CNTN3: variants seen among roughly 807,000 people sequenced by gnomAD.
CNTN3 encodes contactin-3.
Under a neutral mutation model 119.1 loss-of-function variants are expected in CNTN3, and 60 were observed. The observed-to-expected ratio is 0.50, with a 90% CI of 0.41 to 0.62. The LOEUF (loss-of-function observed/expected upper bound fraction) is 0.62. Ranked by LOEUF, CNTN3 falls within the 20% of genes least tolerant of loss-of-function variation. CNTN3 has a pLI of 0.00. For synonymous variants in CNTN3, 450 were observed against 438.7 expected (o/e 1.03, Z -0.32); for missense variants, 1,101 against 1,242.4 (o/e 0.89, Z 1.71).
At chr3:74,516,893 C>T (rs1559642375) in intron 2 of CNTN3, among the ~76,000 whole-genome samples, 1 of 151,844 alleles carries the variant, frequency 6.6e-6, no homozygotes, top group South Asian at 2.1e-4. Flanking sequence ...TAATATATAT[C>T]CCTGAGCTGT....
At chr3:74,455,105 C>T (rs1702242631) in intron 4 of CNTN3, among the ~76,000 whole-genome samples, 1 of 152,044 alleles carries the variant, frequency 6.6e-6, no homozygotes, top group Admixed American at 6.6e-5. Context: ...AGAGTGTTTT[C>T]CAACTTGGTT....
intron 2 of CNTN3, among the ~76,000 whole-genome samples, chr3:74,516,828 AAGGAAGTTGGAG>A (rs1703458844): frequency 7.0e-6 from 1 of 143,882 alleles, no homozygotes; most frequent in Admixed American, 6.8e-5. Flanking sequence ...AACAATATCC[AAGGAAGTTGGAG>A]TCACAAGATG....
chr3:74,601,299 T>C (rs1254325485), intron 1 of CNTN3, among the ~76,000 whole-genome samples: 1 of 151,948 alleles, frequency 6.6e-6, no homozygotes, highest in Non-Finnish European at 1.5e-5. Context: ...TAAGAAACTA[T>C]CAAGTGGCAG....
chr3:74,596,324 T>C (rs972788974), intron 1 of CNTN3, among the ~76,000 whole-genome samples: 1 of 152,078 alleles, frequency 6.6e-6, no homozygotes, highest in African/African-American at 2.4e-5. Flanking sequence ...TTCACAGAAC[T>C]GGAAAAAACT....
chr3:74,474,413 T>A (rs553838461), intron 4 of CNTN3, among the ~76,000 whole-genome samples: 11 of 151,964 alleles, frequency 7.2e-5, no homozygotes, highest in Admixed American at 3.9e-4. Flanking sequence ...GACACTGGAG[T>A]TCAGGGCAGA....
intron 4 of CNTN3, among the ~76,000 whole-genome samples, chr3:74,429,019 CT>C (rs1701741712): frequency 6.6e-6 from 1 of 152,112 alleles, no homozygotes; most frequent in Admixed American, 6.5e-5. Flanking sequence ...GTTATACCAT[CT>C]GGGTATAATA....
chr3:74,339,769 G>C (rs1444488678), intron 11 of CNTN3, among the ~76,000 whole-genome samples: 1 of 152,018 alleles, frequency 6.6e-6, no homozygotes, highest in Non-Finnish European at 1.5e-5. Context: ...CACTGTAAAG[G>C]AGTTGGGGCT....
intron 3 of CNTN3, among the ~76,000 whole-genome samples, chr3:74,489,716 T>A (rs1361084616): frequency 6.9e-6 from 1 of 144,822 alleles, no homozygotes; most frequent in African/African-American, 2.5e-5. Flanking sequence ...CAACTGCTCA[T>A]TGGTTTATCA....
chr3:74,526,425 A>T (rs1703620163), intron 1 of CNTN3, among the ~76,000 whole-genome samples: 1 of 151,848 alleles, frequency 6.6e-6, no homozygotes, highest in Non-Finnish European at 1.5e-5. Flanking sequence ...CTGTCAGATC[A>T]GAAATCATGC....
intron 11 of CNTN3, among the ~76,000 whole-genome samples, chr3:74,343,234 C>A (rs2044595): frequency 6.6e-6 from 1 of 152,058 alleles, no homozygotes. Context: ...GGCAGACCAC[C>A]TCAGGCCCTC....
At position 74,411,078 on chromosome 3, in the gene CNTN3, C is replaced by T. The variant is rs143542090; in HGVS notation, c.454+13767G>A. ...TCCTACCTTGCTTCCTCCATCCATC[C>T]CTTTCTTTCTTTTGTTGTTTCTTTC... On this transcript the variant is annotated intron_variant, in intron 5 of 22. Transcript: ENST00000263665. 2.0e-5 allele frequency among the ~76,000 whole-genome samples: 3 copies of T among 152,126 alleles called. No homozygotes were observed. The East Asian group carries it at 5.8e-4, about 29-fold the overall frequency.
chr3:74,340,405 G>A (rs1210224332), intron 11 of CNTN3, among the ~76,000 whole-genome samples: 1 of 152,014 alleles, frequency 6.6e-6, no homozygotes, highest in African/African-American at 2.4e-5. Flanking sequence ...TGAAGATAAT[G>A]GGATGGAAAA....
chr3:74,568,125 A>G (rs994075920), intron 1 of CNTN3, among the ~76,000 whole-genome samples: 1 of 151,996 alleles, frequency 6.6e-6, no homozygotes. Flanking sequence ...AGTGGGTCCA[A>G]TTCTCACGCC....
chr3:74,315,965 A>G (rs1702822147), intron 13 of CNTN3, among the ~76,000 whole-genome samples: 1 of 152,178 alleles, frequency 6.6e-6, no homozygotes. Context: ...TATGTCCTCA[A>G]AGGCAATTGC....
intron 1 of CNTN3, among the ~76,000 whole-genome samples, chr3:74,593,137 C>G (rs928785431): frequency 6.6e-6 from 1 of 151,906 alleles, no homozygotes. Context: ...TATAGCTTGG[C>G]AAATTTGTTT....
chr3:74,275,874 A>C (rs528724300), intron 20 of CNTN3, among the ~76,000 whole-genome samples: 1 of 152,106 alleles, frequency 6.6e-6, no homozygotes. Flanking sequence ...TCACCAAACA[A>C]ATATCTGCTG....
At chr3:74,392,147 C>T (rs188564477) in intron 5 of CNTN3, among the ~76,000 whole-genome samples, 6 of 152,182 alleles carry the variant, frequency 3.9e-5, no homozygotes, top group African/African-American at 1.4e-4. Flanking sequence ...AAAAAAACAA[C>T]AGTGAGAGAA....
At chr3:74,343,959 T>A (rs1403265610) in intron 11 of CNTN3, among the ~76,000 whole-genome samples, 1 of 152,208 alleles carries the variant, frequency 6.6e-6, no homozygotes, top group Non-Finnish European at 1.5e-5. Context: ...ACCAAAATAA[T>A]CATTACTTCA....
At chr3:74,447,134 T>C (rs750698048) in intron 4 of CNTN3, among the ~76,000 whole-genome samples, 17 of 152,158 alleles carry the variant, frequency 1.1e-4, no homozygotes, top group Non-Finnish European at 2.2e-4. Context: ...TGATGTAGTA[T>C]TGCAAGGCTG....
Sources: gnomAD v4.1 joint callset for allele counts (sites outside exome capture counted in the v4.1 genomes callset) on GRCh38, gnomAD v4.1.1 for gene constraint, MANE v1.5 for transcripts, NCBI Gene and HGNC (gene_info 2026-07-23, HGNC 2026-07-21) for gene names.